Variants in DPP10 observed in about 807,000 individuals in gnomAD.
DPP10 encodes the protein dipeptidyl peptidase like 10, also known as inactive dipeptidyl peptidase 10.
DPP10 carries 33 observed loss-of-function variants against 120.9 expected under a neutral mutation model. The ratio of observed to expected loss-of-function variants is 0.27; its 90% CI spans 0.21 to 0.37. DPP10 has a LOEUF of 0.37. DPP10 is among the 10% of genes least tolerant of loss of function. DPP10 has a pLI of 1.00. For missense variants in DPP10, 816 were observed against 942.8 expected (o/e 0.87, Z 1.76); for synonymous variants, 337 against 326.1 (o/e 1.03, Z -0.36).
At chr2:114,692,210 G>GTGGGCAT (rs1236470417) in intron 1 of DPP10, among the ~76,000 whole-genome samples, 1 of 152,146 alleles carries the variant, frequency 6.6e-6, no homozygotes, top group East Asian at 1.9e-4. Flanking sequence ...GCTTTTTGAT[G>GTGGGCAT]TGGGCATTTA....
chr2:115,083,729 T>C (rs1708467674), intron 1 of DPP10, among the ~76,000 whole-genome samples: 1 of 152,250 alleles, frequency 6.6e-6, no homozygotes, highest in East Asian at 1.9e-4. Flanking sequence ...ACATATTTGC[T>C]ACCACAATTT....
intron 5 of DPP10, among the ~76,000 whole-genome samples, chr2:115,612,345 A>G (rs2084169071): frequency 6.6e-6 from 1 of 152,204 alleles, no homozygotes; most frequent in Non-Finnish European, 1.5e-5. Context: ...TTATTAGAAT[A>G]CAGCAGTGCT....
intron 5 of DPP10, among the ~76,000 whole-genome samples, chr2:115,576,017 G>A (rs1297100799): frequency 2.0e-5 from 3 of 152,136 alleles, no homozygotes; most frequent in Non-Finnish European, 4.4e-5. Context: ...TTTCCTTAGA[G>A]CCCCTAGAAG....
chr2:115,271,453 G>A (rs2059695264), intron 1 of DPP10, among the ~76,000 whole-genome samples: 1 of 152,152 alleles, frequency 6.6e-6, no homozygotes, highest in Non-Finnish European at 1.5e-5. Context: ...TGCTCAGCAG[G>A]TTGTTGCATT....
chr2:115,545,167 G>A (rs2079422053), intron 5 of DPP10, among the ~76,000 whole-genome samples: 1 of 151,938 alleles, frequency 6.6e-6, no homozygotes, highest in Non-Finnish European at 1.5e-5. Context: ...CCATGTCAAT[G>A]GCAAAAGGAA....
intron 1 of DPP10, among the ~76,000 whole-genome samples, chr2:115,123,047 A>G (rs2049903856): frequency 6.6e-6 from 1 of 152,214 alleles, no homozygotes; most frequent in Non-Finnish European, 1.5e-5. Flanking sequence ...TCTTACCACT[A>G]GGGAATGTGC....
At chr2:114,992,356 G>A (rs1428173216) in intron 1 of DPP10, among the ~76,000 whole-genome samples, 1 of 152,136 alleles carries the variant, frequency 6.6e-6, no homozygotes, top group Non-Finnish European at 1.5e-5. Flanking sequence ...CCCATTCAGA[G>A]CTCCCTAGTG....
chr2:115,690,090 A>G (rs1310048314), intron 7 of DPP10, among the ~76,000 whole-genome samples, 169 bp downstream of exon 7: 3 of 152,202 alleles, frequency 2.0e-5, no homozygotes, highest in African/African-American at 7.2e-5. Context: ...ACATTAAATG[A>G]TACTAGTATT....
chr2:115,267,589 G>A (rs1205277391), intron 1 of DPP10, among the ~76,000 whole-genome samples: 1 of 151,738 alleles, frequency 6.6e-6, no homozygotes, highest in Non-Finnish European at 1.5e-5. Flanking sequence ...TCCTCTCCTT[G>A]CCTACCTCTC....
chr2:115,460,330 G>C (rs1045922824), intron 3 of DPP10, among the ~76,000 whole-genome samples: 72 of 152,064 alleles, frequency 4.7e-4, no homozygotes, highest in Admixed American at 9.2e-4. Context: ...TGGCACGTAA[G>C]TAGAAGAGAC....
At chr2:114,443,596 T>A (rs549224753) in intron 1 of DPP10, among the ~76,000 whole-genome samples, 1 of 152,110 alleles carries the variant, frequency 6.6e-6, no homozygotes, top group South Asian at 2.1e-4. Context: ...AGACTTCCAA[T>A]CAAAGTTTAC....
Position 115,842,531 on chromosome 2 carries a change from G to A in DPP10, c.*186G>A, listed in dbSNP as rs986778446. On this transcript the variant is annotated 3_prime_UTR_variant, in exon 26 of 26. Transcript: ENST00000410059. ...GTCCAAGTCTACTGTGTTGCTAGGG[G>A]TGCAGAACCCGTTTCTTTGTATGAG... The A allele has an allele frequency of 3.5e-6, 2 of 579,520 alleles. No homozygotes were observed. The highest frequency in any genetic ancestry group is 1.9e-5 in the African/African-American group (1 of 52,702). 35.9% of individuals were successfully genotyped at this position (579,520 alleles called of 1,614,324 possible).
At chr2:114,636,732 G>A (rs1382275458) in intron 1 of DPP10, among the ~76,000 whole-genome samples, 1 of 151,778 alleles carries the variant, frequency 6.6e-6, no homozygotes, top group Non-Finnish European at 1.5e-5. Context: ...TGAGAATTTG[G>A]GGTACTATGA....
intron 5 of DPP10, among the ~76,000 whole-genome samples, chr2:115,669,857 G>A (rs1334121879): frequency 6.6e-6 from 1 of 152,102 alleles, no homozygotes; most frequent in Non-Finnish European, 1.5e-5. Context: ...TTGACAAAGA[G>A]TGAAAGAAAA....
chr2:114,554,096 T>G (rs1573637867), intron 1 of DPP10, among the ~76,000 whole-genome samples: 1 of 152,300 alleles, frequency 6.6e-6, no homozygotes. Context: ...AATCCATAAT[T>G]GCTAAAGGAG....
At chr2:115,011,026 G>A (rs1320090731) in intron 1 of DPP10, among the ~76,000 whole-genome samples, 1 of 152,050 alleles carries the variant, frequency 6.6e-6, no homozygotes, top group South Asian at 2.1e-4. Flanking sequence ...CTTCTCTTTC[G>A]ATTTTGTTTG....
intron 1 of DPP10, among the ~76,000 whole-genome samples, chr2:114,691,611 T>C (rs1178762843): frequency 1.3e-5 from 2 of 151,868 alleles, no homozygotes; most frequent in East Asian, 1.9e-4. Context: ...ATTCAATTTT[T>C]TGAGAATCAT....
intron 14 of DPP10, among the ~76,000 whole-genome samples, chr2:115,777,564 A>G: frequency 6.6e-6 from 1 of 152,182 alleles, no homozygotes; most frequent in African/African-American, 2.4e-5. Flanking sequence ...TTATCAGGGG[A>G]AAAAAATATG....
chr2:114,714,969 CA>C (rs1393082396), intron 1 of DPP10, among the ~76,000 whole-genome samples: 1 of 152,010 alleles, frequency 6.6e-6, no homozygotes, highest in Non-Finnish European at 1.5e-5. Context: ...CCTAGAAAGA[CA>C]AAAGTCGCTT....
Sources: allele counts gnomAD v4.1 joint callset (sites outside exome capture counted in the v4.1 genomes callset), GRCh38; gene constraint gnomAD v4.1.1; transcripts MANE v1.5; gene names NCBI Gene and HGNC (gene_info 2026-07-23, HGNC 2026-07-21).